The following DSPP variants were observed in gnomAD, a reference collection of about 807,000 sequenced individuals.
The protein encoded by DSPP is dentin sialophosphoprotein, also known as deafness, autosomal dominant 39.
In DSPP, 28 loss-of-function variants were observed where a neutral mutation model predicts 29.1. The observed-to-expected ratio is 0.96, with a 90% CI of 0.71 to 1.32. DSPP has a LOEUF of 1.32. Ranked by LOEUF, DSPP falls within the 40% of genes most tolerant of loss-of-function variation. The probability of loss-of-function intolerance (pLI) is 0.00; values close to 1 mark genes in which losing one functional copy is unlikely to be tolerated. For synonymous variants in DSPP, 481 were observed against 503.4 expected (o/e 0.96, Z 0.60); for missense variants, 1,281 against 1,629.9 (o/e 0.79, Z 3.69).
chr4:87,614,735 C>G lies in DSPP; in HGVS notation c.2073C>G (p.Asp691Glu), dbSNP rs1216204181. The change falls in exon 5 of 5, where the codon GAC becomes GAG. Residue 691 changes from aspartate to glutamate, a missense_variant. Physicochemically the swap from Asp to Glu is conservative, Grantham distance 45. This residue lies in a region of DSPP where 444 missense variants were observed against 611.4 expected (regional missense o/e 0.73). Transcript: ENST00000651931. Reference protein sequence around the residue: ...SDSSNSSDSSDSSDSSNSSES... With the variant: ...SDSSNSSDSSESSDSSNSSES... ...GCAGCAACAGCAGTGATAGTAGTGA[C>G]AGTAGTGACAGCAGCAATAGCAGTG... 1 of 1,546,540 alleles carries G rather than the reference C, an allele frequency of 6.5e-7. No individual in the cohort carries two copies. Among genetic ancestry groups the G allele is most frequent in the Admixed American group, 2.0e-5 (1 of 50,674 alleles).
Position 87,615,920 on chromosome 4 carries a change from TAGC to T in DSPP, c.3261_3263del (p.Ser1088del). The T allele has an allele frequency of 1.1e-5, 7 of 659,724 alleles. No individual in the cohort carries two copies. Among genetic ancestry groups the T allele is most frequent in the Non-Finnish European group, 7.0e-6 (3 of 428,444 alleles). 40.9% of individuals were successfully genotyped at this position (659,724 alleles called of 1,614,324 possible). A position where few individuals can be genotyped will look rare whatever the true frequency, so the allele number is the denominator to read the frequency against. ...GCAGTGATAGCAGTGAAAGCAGTGA[TAGC>T]AGTGACAGCAGCAATAGCAGTGACA... On this transcript the variant is annotated inframe_deletion, in exon 5 of 5. Transcript: ENST00000651931.
In DSPP at chr4:87,610,905, G is replaced by T. The variant is rs1376620694; in HGVS notation, c.-4G>T. The stretch of plus-strand genomic sequence containing the variant: ...GCCATTGATTATTATTATTCCTAAA[G>T]AAAATGAAGATAATTACATATTTTT... On this transcript the variant is annotated 5_prime_UTR_variant, in exon 2 of 5. Transcript: ENST00000651931. 5 of 1,611,824 alleles carry T rather than the reference G, an allele frequency of 3.1e-6. No individual in the cohort carries two copies. Among genetic ancestry groups the T allele is most frequent in the Non-Finnish European group, 4.2e-6 (5 of 1,178,168 alleles).
chr4:87,612,202 T>C lies in DSPP; in HGVS notation c.135+14T>C, dbSNP rs1273459301. ...GTGTCAGTACAGGTATAGGATGTAA[T>C]ATATTTCATTTTATTTCCTATTTCT... On this transcript the variant is annotated intron_variant, in intron 3 of 4. Coordinates refer to ENST00000651931, the MANE Select transcript of DSPP (RefSeq NM_014208.3). 1 of 1,613,722 alleles carries C rather than the reference T, an allele frequency of 6.2e-7. No individual in the cohort carries two copies.
intron 2 of DSPP, among the ~76,000 whole-genome samples, chr4:87,611,665 T>C (rs1444742158): frequency 2.6e-5 from 4 of 152,210 alleles, no homozygotes; most frequent in Non-Finnish European, 5.9e-5. Flanking sequence ...ACTAGCGTAA[T>C]ACTTGATTTT....
At position 87,612,946 on chromosome 4, in the gene DSPP, G is replaced by T; in HGVS notation, c.760G>T (p.Asp254Tyr). 1.9e-6 allele frequency: 3 copies of T among 1,614,160 alleles called. No homozygotes were observed. Among genetic ancestry groups the T allele is most frequent in the Non-Finnish European group, 2.5e-6 (3 of 1,180,028 alleles). The change falls in exon 4 of 5, where the codon GAT becomes TAT. Residue 254 changes from aspartate (D) to tyrosine (Y), a missense_variant. By Grantham distance (160) the Asp-to-Tyr change is radical (BLOSUM62 -3). Around this residue, in one of 4 missense-constraint regions of DSPP, gnomAD observed 631 missense variants for 643.2 expected, o/e 0.98. Transcript: ENST00000651931. ...GSPSGNGADE[D>Y]EDEGSGDDED... ...TCCTAGTGGGAATGGAGCAGATGAG[G>T]ATGAAGACGAGGGTTCTGGTGATGA...
intron 2 of DSPP, 63 bp from the exon 3 acceptor site, chr4:87,612,034 TGTGTGTGC>T: frequency 3.0e-6 from 3 of 996,732 alleles, no homozygotes; most frequent in Non-Finnish European, 4.6e-6. Flanking sequence ...TGTGTGTGTG[TGTGTGTGC>T]ACGCTCACAC....
rs201170664 is a variant in DSPP, at chr4:87,615,672, A to G, written c.3010A>G (p.Ser1004Gly). 3.6e-3 allele frequency: 5,536 copies of G among 1,536,620 alleles called. 14 individuals carry two copies. Among genetic ancestry groups the G allele is most frequent in the Non-Finnish European group, 4.4e-3 (4,967 of 1,138,898 alleles). Residue 1004 changes from serine (S) to glycine (G), a missense_variant, in exon 5 of 5, where the codon AGT becomes GGT. Coordinates refer to ENST00000651931, the MANE Select transcript of DSPP (RefSeq NM_014208.3). ...SSDSSDSSNS[S>G]DSSDSSDSSD... Reference sequence around the variant, plus strand: ...TGACAGCAGTGATAGCAGCAACAGCAGTGATAGCAGTGACAGCAGTGACAG... The same window carrying G: ...TGACAGCAGTGATAGCAGCAACAGCGGTGATAGCAGTGACAGCAGTGACAG...
intron 2 of DSPP, among the ~76,000 whole-genome samples, chr4:87,611,360 C>A (rs1309537875): frequency 1.3e-5 from 2 of 152,052 alleles, no homozygotes; most frequent in Middle Eastern, 3.2e-3. Flanking sequence ...CGAACAAAGT[C>A]TGTGCTGTTT....
In DSPP at chr4:87,614,497, A is replaced by G. The variant is rs1727812582; in HGVS notation, c.1835A>G (p.Asp612Gly). The change falls in exon 5 of 5, where the codon GAC becomes GGC. Residue 612 changes from aspartate (D) to glycine (G), a missense_variant. Physicochemically the swap from Asp to Gly is moderately conservative, Grantham distance 94. This residue lies in a region of DSPP where 444 missense variants were observed against 611.4 expected (regional missense o/e 0.73). Transcript: ENST00000651931. ...SDSSDSSDSS[D>G]SSDSSDSSDS... Reference sequence around the variant, plus strand: ...AGTAGTGACAGCAGTGATAGCAGTGACAGTAGTGATAGTAGTGACAGCAGT... The same window carrying G: ...AGTAGTGACAGCAGTGATAGCAGTGGCAGTAGTGATAGTAGTGACAGCAGT... 1 of 1,551,636 alleles carries G rather than the reference A, an allele frequency of 6.4e-7. No individual in the cohort carries two copies. Among genetic ancestry groups the G allele is most frequent in the Middle Eastern group, 1.7e-4 (1 of 5,990 alleles).
chr4:87,616,169 CGACAGCAGCGATAGCAGT>C lies in DSPP; in HGVS notation c.3517_3534del (p.Asp1173_Ser1178del), dbSNP rs1727930224. ...ACAGCAGCGATAGCAGCGACAGCAGCGACAGCAGCGATAGCAGTGACAGCAGCAATAGCAGTGATAGCA... is the reference window on the plus strand; with the variant it reads ...ACAGCAGCGATAGCAGCGACAGCAGCGACAGCAGCAATAGCAGTGATAGCA... On this transcript the variant is annotated inframe_deletion, in exon 5 of 5. Transcript: ENST00000651931. 18 of 1,527,154 alleles carry C rather than the reference CGACAGCAGCGATAGCAGT, an allele frequency of 1.2e-5. 2 individuals are homozygous for C. Among genetic ancestry groups the C allele is most frequent in the Middle Eastern group, 1.7e-4 (1 of 5,774 alleles). The allele number at this position is 1,527,154 out of a possible 1,614,324, so 94.6% of individuals were successfully genotyped here.
Position 87,615,709 on chromosome 4 carries a change from G to T in DSPP, c.3047G>T (p.Ser1016Ile), listed in dbSNP as rs890929856. The change falls in exon 5 of 5, where the codon AGT becomes ATT. Residue 1016 changes from serine to isoleucine, a missense_variant. Physicochemically the swap from Ser to Ile is moderately radical, Grantham distance 142. Transcript: ENST00000651931. ...GACAGCAGTGACAGCAGTGATAGCA[G>T]TAATAGTAGTGACAGCAGCAATAGC... is the stretch of plus-strand genomic sequence containing the variant. Reference protein sequence around the residue: ...SSDSSDSSDSSNSSDSSNSSD... With the variant: ...SSDSSDSSDSINSSDSSNSSD... 4 of 1,527,162 alleles carry T rather than the reference G, an allele frequency of 2.6e-6. No homozygotes were observed. Among genetic ancestry groups the T allele is most frequent in the Non-Finnish European group, 3.5e-6 (4 of 1,134,320 alleles). 94.6% of individuals were successfully genotyped at this position (1,527,162 alleles called of 1,614,324 possible). A position where few individuals can be genotyped will look rare whatever the true frequency, so the allele number is the denominator to read the frequency against.
At position 87,614,577 on chromosome 4, in the gene DSPP, AAGTCAG is replaced by A; in HGVS notation, c.1917_1922del (p.Lys639_Asp641delinsAsn). ...GAGCGACAGCAGTGATAGTGACAGT[AAGTCAG>A]ACAGCAGTGACAGCAACAGCAGTGA... On this transcript the variant is annotated inframe_deletion, in exon 5 of 5. Coordinates refer to ENST00000651931, the MANE Select transcript of DSPP (RefSeq NM_014208.3). The A allele has an allele frequency of 6.4e-7, 1 of 1,551,620 alleles. No homozygotes were observed. The highest frequency in any genetic ancestry group is 1.2e-5 in the South Asian group (1 of 84,062).
chr4:87,615,922 GCAGTGAC>G lies in DSPP; in HGVS notation c.3261_3267del (p.Ser1087ArgfsTer225). 173 of 257,650 alleles carry G rather than the reference GCAGTGAC, an allele frequency of 6.7e-4. 6 individuals carry two copies. The highest frequency in any genetic ancestry group is 4.8e-3 in the East Asian group (12 of 2,480). The allele number at this position is 257,650 out of a possible 1,614,324, so 16.0% of individuals were successfully genotyped here. Reference sequence around the variant, plus strand: ...AGTGATAGCAGTGAAAGCAGTGATAGCAGTGACAGCAGCAATAGCAGTGACAGCAGCG... The same window carrying G: ...AGTGATAGCAGTGAAAGCAGTGATAGAGCAGCAATAGCAGTGACAGCAGCG... On this transcript the variant is annotated frameshift_variant, in exon 5 of 5. Transcript: ENST00000651931. LOFTEE classifies it low-confidence loss of function (END_TRUNC).
chr4:87,615,030 A>C lies in DSPP; in HGVS notation c.2368A>C (p.Asn790His). 1 of 1,550,388 alleles carries C rather than the reference A, an allele frequency of 6.4e-7. No individual in the cohort carries two copies. ...SNSSDSNDSS[N>H]SSDSSDSSNS... ...CAGCAGTGATAGCAACGACAGCAGC[A>C]ATAGCAGTGACAGCAGTGATAGCAG... The change falls in exon 5 of 5, where the codon AAT becomes CAT. Residue 790 changes from asparagine (N) to histidine (H), a missense_variant. Asn to His is a moderately conservative substitution (Grantham distance 68). This residue lies in a region of DSPP where 444 missense variants were observed against 611.4 expected (regional missense o/e 0.73). Coordinates refer to ENST00000651931, the MANE Select transcript of DSPP (RefSeq NM_014208.3).
Position 87,616,631 on chromosome 4 carries a change from G to T in DSPP, c.*63G>T, listed in dbSNP as rs558513845. The T allele has an allele frequency of 6.5e-7, 1 of 1,549,178 alleles. No homozygotes were observed. Among genetic ancestry groups the T allele is most frequent in the Non-Finnish European group, 8.7e-7 (1 of 1,145,600 alleles). ...GTTTGGTAATGGGATAGGAAAAAAA[G>T]ATTTCCAAGAAAGTAAAGAAAGGGG... On this transcript the variant is annotated 3_prime_UTR_variant, in exon 5 of 5. Coordinates refer to ENST00000651931, the MANE Select transcript of DSPP (RefSeq NM_014208.3).
Position 87,613,949 on chromosome 4 carries a change from A to C in DSPP, c.1287A>C (p.Lys429Asn). 6.2e-7 allele frequency: 1 copy of C among 1,614,214 alleles called. No individual in the cohort carries two copies. Among genetic ancestry groups the C allele is most frequent in the Non-Finnish European group, 8.5e-7 (1 of 1,180,026 alleles). Residue 429 changes from lysine (K) to asparagine (N), a missense_variant, in exon 5 of 5, where the codon AAA becomes AAC. Physicochemically the swap from Lys to Asn is moderately conservative, Grantham distance 94 (BLOSUM62 0). Coordinates refer to ENST00000651931, the MANE Select transcript of DSPP (RefSeq NM_014208.3). Reference protein sequence around the residue: ...EVVNIEGPGQKSEPGNKVGHS... With the variant: ...EVVNIEGPGQNSEPGNKVGHS... The stretch of plus-strand genomic sequence containing the variant: ...TCAACATAGAAGGACCTGGCCAAAA[A>C]TCAGAACCAGGAAATAAAGTTGGAC...
chr4:87,609,427 C>G (rs893683397), intron 1 of DSPP, among the ~76,000 whole-genome samples: 13 of 152,178 alleles, frequency 8.5e-5, no homozygotes, highest in African/African-American at 2.7e-4. Context: ...CTGCAAAGTA[C>G]AGGATAACTG....
In DSPP at chr4:87,613,022, G is replaced by T. The variant is rs1189988591; in HGVS notation, c.836G>T (p.Gly279Val). The change falls in exon 4 of 5, where the codon GGC becomes GTC. Residue 279 changes from glycine (G) to valine (V), a missense_variant. Transcript: ENST00000651931. The part of the protein sequence containing the change: ...NGKDSSNNSK[G>V]QEGQDHGKED... ...AAAGACAGTAGTAATAACAGCAAGGGCCAGGAGGGCCAGGACCATGGGAAA... is the reference window on the plus strand; with the variant it reads ...AAAGACAGTAGTAATAACAGCAAGGTCCAGGAGGGCCAGGACCATGGGAAA... 1 of 1,614,134 alleles carries T rather than the reference G, an allele frequency of 6.2e-7. No homozygotes were observed. Among genetic ancestry groups the T allele is most frequent in the Admixed American group, 1.7e-5 (1 of 60,010 alleles).
intron 2 of DSPP, among the ~76,000 whole-genome samples, chr4:87,611,722 T>C (rs186356287): frequency 7.9e-5 from 12 of 152,342 alleles, no homozygotes; most frequent in Non-Finnish European, 1.8e-4. Context: ...TTAAGAGTTT[T>C]CATCAGGATT....
Sources: allele counts gnomAD v4.1 joint callset (sites outside exome capture counted in the v4.1 genomes callset), GRCh38; gene constraint gnomAD v4.1.1; regional missense constraint gnomAD v4.1.1; transcripts MANE v1.5; gene names NCBI Gene and HGNC (gene_info 2026-07-23, HGNC 2026-07-21).